SH2D4A: variants seen among roughly 807,000 people sequenced by gnomAD.
The protein encoded by SH2D4A is SH2 domain containing 4A.
SH2D4A carries 70 observed loss-of-function variants against 64.7 expected under a neutral mutation model. The observed-to-expected ratio is 1.08, with a 90% confidence interval of 0.89 to 1.32. The LOEUF (loss-of-function observed/expected upper bound fraction) is 1.32. Among genes scored for constraint, SH2D4A ranks in the 40% most tolerant of loss-of-function variants. The pLI is 0.00. For missense variants in SH2D4A, 706 were observed against 540.1 expected (o/e 1.31, Z -3.04); for synonymous variants, 268 against 200.7 (o/e 1.34, Z -2.83).
chr8:19,380,799 G>GT (rs1475625634), intron 8 of SH2D4A, among the ~76,000 whole-genome samples: 1 of 152,160 alleles, frequency 6.6e-6, no homozygotes, highest in Non-Finnish European at 1.5e-5. Context: ...TTTGAAATGA[G>GT]TATGTGTGAC....
At chr8:19,346,606 C>T (rs1430900069) in intron 4 of SH2D4A, among the ~76,000 whole-genome samples, 1 of 152,170 alleles carries the variant, frequency 6.6e-6, no homozygotes, top group African/African-American at 2.4e-5. Context: ...CTGGCGCCCC[C>T]TATCTATGGA....
At chr8:19,354,920 G>A (rs1432465831) in intron 4 of SH2D4A, among the ~76,000 whole-genome samples, 4 of 152,118 alleles carry the variant, frequency 2.6e-5, no homozygotes, top group South Asian at 2.1e-4. Flanking sequence ...AATGTGCTGC[G>A]GACAAAACCT....
intron 2 of SH2D4A, among the ~76,000 whole-genome samples, chr8:19,324,866 T>G (rs1189388777): frequency 6.6e-6 from 1 of 152,164 alleles, no homozygotes; most frequent in Admixed American, 6.5e-5. Flanking sequence ...GGTTCGCAGA[T>G]CCTAGGGTAA....
intron 4 of SH2D4A, among the ~76,000 whole-genome samples, chr8:19,351,435 C>G (rs1326805010): frequency 1.3e-5 from 2 of 152,016 alleles, no homozygotes; most frequent in Non-Finnish European, 2.9e-5. Flanking sequence ...AACCCCGTCT[C>G]TATTAAAAAT....
Position 19,361,290 on chromosome 8 carries a change from G to T in SH2D4A, c.682G>T (p.Glu228Ter). ...RTKQICKSWKEDSEWQASLRK... is the reference protein window; with the variant it reads ...RTKQICKSWK ...GAAGCAGATTTGTAAGAGCTGGAAA[G>T]AAGACTCGGAATGGCAGGCATCTCG... The change falls in exon 6 of 10, where the codon GAA becomes TAA. Residue 228 changes from glutamate to a stop codon, truncating the protein, a stop_gained. Transcript: ENST00000265807. LOFTEE classifies it high-confidence loss of function. 1.2e-6 allele frequency: 2 copies of T among 1,611,882 alleles called. No individual in the cohort carries two copies. Among genetic ancestry groups the T allele is most frequent in the Non-Finnish European group, 1.7e-6 (2 of 1,179,372 alleles).
At chr8:19,356,730 G>A (rs182000341) in intron 4 of SH2D4A, among the ~76,000 whole-genome samples, 13 of 152,324 alleles carry the variant, frequency 8.5e-5, no homozygotes, top group African/African-American at 3.1e-4. Context: ...TGTGGGCCAG[G>A]CAGGGAAACT....
At chr8:19,385,885 T>C (rs2053382372) in intron 8 of SH2D4A, among the ~76,000 whole-genome samples, 1 of 152,224 alleles carries the variant, frequency 6.6e-6, no homozygotes, top group South Asian at 2.1e-4. Context: ...TGTGGGGCTA[T>C]CAATATTCTG....
chr8:19,384,398 A>C (rs890136070), intron 8 of SH2D4A, among the ~76,000 whole-genome samples: 2 of 152,152 alleles, frequency 1.3e-5, no homozygotes, highest in African/African-American at 4.8e-5. Flanking sequence ...AAATATTGTA[A>C]TTGCTTAAGT....
intron 2 of SH2D4A, among the ~76,000 whole-genome samples, chr8:19,322,324 T>C (rs2052205443): frequency 6.6e-6 from 1 of 152,114 alleles, no homozygotes; most frequent in African/African-American, 2.4e-5. Context: ...CCTGAAGGCT[T>C]GTGCTCCCTG....
chr8:19,357,548 T>A (rs2153647684), intron 5 of SH2D4A, among the ~76,000 whole-genome samples: 1 of 152,334 alleles, frequency 6.6e-6, no homozygotes, highest in Non-Finnish European at 1.5e-5. Context: ...CATCCCAGGC[T>A]GCTGCAGACA....
At chr8:19,389,201 T>C (rs2053441790) in intron 8 of SH2D4A, among the ~76,000 whole-genome samples, 1 of 152,340 alleles carries the variant, frequency 6.6e-6, no homozygotes, top group African/African-American at 2.4e-5. Context: ...GGGCAGTCCC[T>C]GCCACTTGGA....
intron 2 of SH2D4A, among the ~76,000 whole-genome samples, chr8:19,321,238 G>A (rs762608192): frequency 6.6e-6 from 1 of 152,002 alleles, no homozygotes. Flanking sequence ...GTTTGAGATG[G>A]AGTCTCACTC....
rs975182852 is a variant in SH2D4A, at chr8:19,359,161, C to T, written c.594+1878C>T. ...GTTTTCTAGCTTTCTTGAATAAATA[C>T]GGTGGTCAGGGCCGTATATAGATGG... is the stretch of plus-strand genomic sequence containing the variant. On this transcript the variant is annotated intron_variant, in intron 5 of 9. Transcript: ENST00000265807. Among the ~76,000 whole-genome samples the T allele has an allele frequency of 3.9e-5, 6 of 152,114 alleles. No individual in the cohort carries two copies. The South Asian group carries it at 6.2e-4, about 16-fold the overall frequency.
intron 4 of SH2D4A, among the ~76,000 whole-genome samples, chr8:19,344,625 A>G (rs1208624431): frequency 1.3e-5 from 2 of 152,134 alleles, no homozygotes; most frequent in African/African-American, 4.8e-5. Context: ...TTTCCTGCAT[A>G]ACATAACAGA....
chr8:19,368,497 CTA>C (rs1186757032), intron 7 of SH2D4A, among the ~76,000 whole-genome samples: 1 of 151,764 alleles, frequency 6.6e-6, no homozygotes, highest in Non-Finnish European at 1.5e-5. Flanking sequence ...CATGGGATGT[CTA>C]TTTTTTTGTT....
intron 4 of SH2D4A, among the ~76,000 whole-genome samples, chr8:19,335,269 C>T (rs889612925): frequency 2.0e-5 from 3 of 151,928 alleles, no homozygotes; most frequent in Admixed American, 2.0e-4. Context: ...GCACTCCAGC[C>T]TGGGCGACAG....
intron 8 of SH2D4A, among the ~76,000 whole-genome samples, chr8:19,382,823 CTTTTT>C (rs1159245319): frequency 7.7e-5 from 5 of 64,618 alleles, no homozygotes; most frequent in African/African-American, 2.3e-4. Context: ...TTTTAAGATT[CTTTTT>C]TTTTTTTTTT....
intron 1 of SH2D4A, among the ~76,000 whole-genome samples, chr8:19,315,362 C>T (rs2052070188): frequency 6.6e-6 from 1 of 152,218 alleles, no homozygotes; most frequent in Non-Finnish European, 1.5e-5. Flanking sequence ...TCTTGAACTC[C>T]TGAGCTCCAG....
chr8:19,369,839 T>C (rs1311964903), intron 7 of SH2D4A, among the ~76,000 whole-genome samples: 1 of 152,050 alleles, frequency 6.6e-6, no homozygotes, highest in East Asian at 1.9e-4. Context: ...ATCTTTGTTA[T>C]ATTTCCTTCA....
Sources: allele counts gnomAD v4.1 joint callset (sites outside exome capture counted in the v4.1 genomes callset), GRCh38; gene constraint gnomAD v4.1.1; transcripts MANE v1.5; gene names NCBI Gene and HGNC (gene_info 2026-07-23, HGNC 2026-07-21).